Variants in ZNF30 observed in about 807,000 individuals in gnomAD.
ZNF30 encodes the protein zinc finger protein 30, also known as zinc finger protein 30 (KOX 28).
A neutral mutation model predicts 13.2 loss-of-function variants in ZNF30; 15 were observed. The observed-to-expected ratio is 1.13, with a 90% CI of 0.76 to 1.75. The LOEUF (loss-of-function observed/expected upper bound fraction) is 1.75. Among genes scored for constraint, ZNF30 ranks in the 40% most tolerant of loss-of-function variants. ZNF30 has a pLI of 0.00. For synonymous variants in ZNF30, 223 were observed against 256.6 expected (o/e 0.87, Z 1.25); for missense variants, 726 against 757.0 (o/e 0.96, Z 0.48).
intron 4 of ZNF30, among the ~76,000 whole-genome samples, chr19:34,938,088 G>A (rs923172516): frequency 3.3e-5 from 5 of 152,042 alleles, no homozygotes; most frequent in Admixed American, 6.5e-5. Flanking sequence ...GAGCCATGGC[G>A]CCCAGTCTGA....
At chr19:34,936,466 T>C (rs2431457) in intron 4 of ZNF30, among the ~76,000 whole-genome samples, 66,576 of 151,986 alleles carry the variant, frequency 0.44, 16,389 homozygotes, top group African/African-American at 0.68. Context: ...AAGGGCAAGT[T>C]GCAGGGCAGA....
intron 3 of ZNF30, 45 bp downstream of exon 3, chr19:34,932,038 T>A: frequency 2.0e-6 from 3 of 1,493,322 alleles, no homozygotes; most frequent in Non-Finnish European, 2.7e-6. Flanking sequence ...CTCCCTGTTA[T>A]ACTTTCTCCT....
intron 4 of ZNF30, among the ~76,000 whole-genome samples, chr19:34,941,611 ATTAAG>A (rs1173045004): frequency 4.6e-5 from 7 of 152,210 alleles, no homozygotes; most frequent in African/African-American, 1.7e-4. Flanking sequence ...TCCTCTTTGA[ATTAAG>A]TTATCTAAAG....
upstream of ZNF30, among the ~76,000 whole-genome samples, chr19:34,925,108 ACGGGCGGG>A (rs1236889418): frequency 6.6e-6 from 1 of 152,052 alleles, no homozygotes; most frequent in African/African-American, 2.4e-5. Context: ...GAGTATACAG[ACGGGCGGG>A]CTGTGGGGCT....
chr19:34,925,737 T>C (rs557405932), upstream of ZNF30, among the ~76,000 whole-genome samples: 1 of 152,262 alleles, frequency 6.6e-6, no homozygotes, highest in Middle Eastern at 3.4e-3. Context: ...CACACCCTCC[T>C]GTACCCAGCA....
Position 34,927,156 on chromosome 19 carries a change from C to G in ZNF30, c.-125C>G. The G allele has an allele frequency of 2.6e-6, 1 of 391,716 alleles. No homozygotes were observed. The highest frequency in any genetic ancestry group is 4.5e-6 in the Non-Finnish European group (1 of 222,104). The allele number at this position is 391,716 out of a possible 1,614,324, so 24.3% of individuals were successfully genotyped here. On this transcript the variant is annotated 5_prime_UTR_variant, in exon 1 of 5. Transcript: ENST00000601142. The stretch of plus-strand genomic sequence containing the variant: ...GCCGGGCAACTTGAATTTCTGCAAA[C>G]GAACACAGCACCGGGAGCTCTGCAG...
intron 4 of ZNF30, among the ~76,000 whole-genome samples, chr19:34,940,887 G>A (rs1481298935): frequency 6.6e-6 from 1 of 152,058 alleles, no homozygotes; most frequent in East Asian, 1.9e-4. Context: ...CTAATCCAAA[G>A]AGCCCACAGA....
At chr19:34,935,236 A>G (rs1702918601) in intron 4 of ZNF30, among the ~76,000 whole-genome samples, 2 of 152,160 alleles carry the variant, frequency 1.3e-5, no homozygotes, top group Non-Finnish European at 2.9e-5. Context: ...GTCTAAAAAA[A>G]AAAAAAATTT....
At chr19:34,929,851 A>G (rs1488356200) in intron 1 of ZNF30, 33 bp from the exon 2 acceptor site, 7 of 1,171,402 alleles carry the variant, frequency 6.0e-6, no homozygotes, top group South Asian at 4.4e-5. Context: ...TGAGAACACT[A>G]AAGCCTCCTT....
chr19:34,935,343 T>C (rs2012672444), intron 4 of ZNF30, among the ~76,000 whole-genome samples: 1 of 152,196 alleles, frequency 6.6e-6, no homozygotes, highest in Non-Finnish European at 1.5e-5. Flanking sequence ...ATTCTCCAAA[T>C]GAAGAGAGAA....
intron 1 of ZNF30, among the ~76,000 whole-genome samples, chr19:34,927,938 C>T (rs988010053): frequency 3.3e-5 from 5 of 152,224 alleles, no homozygotes; most frequent in African/African-American, 1.2e-4. Flanking sequence ...TGCCATGGCT[C>T]ATGCCTGTAA....
Position 34,943,794 on chromosome 19 carries a change from T to C in ZNF30, c.828T>C (p.Val276=). The C allele has an allele frequency of 6.2e-7, 1 of 1,613,890 alleles. No individual in the cohort carries two copies. Among genetic ancestry groups the C allele is most frequent in the Non-Finnish European group, 8.5e-7 (1 of 1,179,898 alleles). The change falls in exon 5 of 5, where the codon GTT becomes GTC. Residue 276 remains valine (V), a synonymous_variant. Transcript: ENST00000601142. Reference sequence around the variant, plus strand: ...CCTTCAGTACCTTTTCATACCTGGTTCAACATCAGCGAATTCATACCAGTG... The same window carrying C: ...CCTTCAGTACCTTTTCATACCTGGTCCAACATCAGCGAATTCATACCAGTG... ...GKAFSTFSYL[V]QHQRIHTSEK...
At chr19:34,932,755 C>T (rs189994878) in intron 3 of ZNF30, among the ~76,000 whole-genome samples, 264 of 151,390 alleles carry the variant, frequency 1.7e-3, no homozygotes, top group African/African-American at 6.2e-3. Flanking sequence ...CCACAATCCG[C>T]GTTCTCAATC....
At chr19:34,937,611 G>A (rs1471641910) in intron 4 of ZNF30, among the ~76,000 whole-genome samples, 1 of 151,880 alleles carries the variant, frequency 6.6e-6, no homozygotes, top group African/African-American at 2.4e-5. Flanking sequence ...TCATGCCCCT[G>A]TAGTCCTAGC....
At chr19:34,930,800 T>C (rs572714619) in intron 2 of ZNF30, among the ~76,000 whole-genome samples, 2 of 152,154 alleles carry the variant, frequency 1.3e-5, no homozygotes, top group East Asian at 1.9e-4. Flanking sequence ...GAGTTCAAGA[T>C]TGCAGTGAGC....
chr19:34,925,228 CA>C (rs2012022981), upstream of ZNF30, among the ~76,000 whole-genome samples: 1 of 152,184 alleles, frequency 6.6e-6, no homozygotes, highest in Non-Finnish European at 1.5e-5. Flanking sequence ...TTATGTTAGT[CA>C]ATTCAATTAG....
chr19:34,928,418 A>C (rs1055947748), intron 1 of ZNF30, among the ~76,000 whole-genome samples: 1 of 151,846 alleles, frequency 6.6e-6, no homozygotes, highest in African/African-American at 2.4e-5. Context: ...GTCAACCATG[A>C]TCTGAAAATA....
chr19:34,943,762 G>T lies in ZNF30; in HGVS notation c.796G>T (p.Gly266Trp). The T allele has an allele frequency of 6.2e-7, 1 of 1,613,944 alleles. No individual in the cohort carries two copies. The highest frequency in any genetic ancestry group is 8.5e-7 in the Non-Finnish European group (1 of 1,179,904). The change falls in exon 5 of 5, where the codon GGG (glycine) becomes TGG (tryptophan). Residue 266 changes from glycine (G) to tryptophan (W), a missense_variant. By Grantham distance (184) the Gly-to-Trp change is radical. Coordinates refer to ENST00000601142, the MANE Select transcript of ZNF30 (RefSeq NM_194325.3). The part of the protein sequence containing the change: ...GEKPFGCEEC[G>W]KAFSTFSYLV... ...AAAACCCTTTGGGTGTGAGGAGTGTGGGAAGGCCTTCAGTACCTTTTCATA... is the reference window on the plus strand; with the variant it reads ...AAAACCCTTTGGGTGTGAGGAGTGTTGGAAGGCCTTCAGTACCTTTTCATA...
chr19:34,944,531 G>T lies in ZNF30; in HGVS notation c.1565G>T (p.Ser522Ile). 1 of 1,614,146 alleles carries T rather than the reference G, an allele frequency of 6.2e-7. No individual in the cohort carries two copies. The highest frequency in any genetic ancestry group is 1.6e-4 in the Middle Eastern group (1 of 6,062). The part of the protein sequence containing the change: ...YECKECGKAF[S>I]SGSYLVQHQR... ...TGTAAGGAGTGTGGCAAGGCCTTCA[G>T]TTCTGGCTCATACCTTGTTCAGCAT... is the stretch of plus-strand genomic sequence containing the variant. Residue 522 changes from serine to isoleucine, a missense_variant, in exon 5 of 5, where the codon AGT (serine) becomes ATT (isoleucine). Transcript: ENST00000601142.
Sources: allele counts gnomAD v4.1 joint callset (sites outside exome capture counted in the v4.1 genomes callset), GRCh38; gene constraint gnomAD v4.1.1; transcripts MANE v1.5; gene names NCBI Gene and HGNC (gene_info 2026-07-23, HGNC 2026-07-21).